Variants in DAAM2 observed in about 807,000 individuals in gnomAD.
The protein encoded by DAAM2 is disheveled-associated activator of morphogenesis 2.
Under a neutral mutation model 120.7 loss-of-function variants are expected in DAAM2, and 39 were observed. That is an observed-to-expected ratio of 0.32 (90% confidence interval 0.25 to 0.42). The LOEUF (loss-of-function observed/expected upper bound fraction) is 0.42, where lower values mean the gene tolerates loss of function less well. Among genes scored for constraint, DAAM2 ranks in the 10% least tolerant of loss-of-function variants. The probability of loss-of-function intolerance (pLI) is 1.00; values close to 1 mark genes in which losing one functional copy is unlikely to be tolerated. For missense variants in DAAM2, 1,283 were observed against 1,401.7 expected, an observed-to-expected ratio of 0.92 and a Z score of 1.35; for synonymous variants, 488 against 524.9, an observed-to-expected ratio of 0.93 and a Z score of 0.96.
chr6:39,838,223 G>A (rs1418982244), intron 1 of DAAM2, among the ~76,000 whole-genome samples: 2 of 152,218 alleles, frequency 1.3e-5, no homozygotes. Context: ...AGAGATCACA[G>A]TAATAATGAC....
intron 15 of DAAM2, chr6:39,887,095 G>C (rs1765421624): frequency 5.9e-6 from 1 of 170,374 alleles, no homozygotes; most frequent in Non-Finnish European, 1.2e-5. Context: ...TGGGCAGTGG[G>C]AATGGGAGTT....
chr6:39,828,562 C>G lies in DAAM2; in HGVS notation c.-56-27685C>G, dbSNP rs574528359. On this transcript the variant is annotated intron_variant, in intron 1 of 24. Coordinates refer to ENST00000274867, the MANE Select transcript of DAAM2 (RefSeq NM_001201427.2). ...GGGCCTAAGCTAATTCCCTCCACCC[C>G]CCTCCGTCTTTTTTTTTTTGAGACG... Among the ~76,000 whole-genome samples, 56 of 120,058 alleles carry G rather than the reference C, an allele frequency of 4.7e-4. 1 individual carries two copies. The highest frequency in any genetic ancestry group is 2.8e-4 in the East Asian group (1 of 3,636). 78.8% of individuals were successfully genotyped at this position (120,058 alleles called of 152,430 possible).
intron 14 of DAAM2, 31 bp from the exon 15 acceptor site, chr6:39,883,931 C>T (rs760323655): frequency 6.7e-7 from 1 of 1,501,044 alleles, no homozygotes; most frequent in East Asian, 2.3e-5. Context: ...TTGGGCCAAC[C>T]ATGGGATCTT....
intron 1 of DAAM2, among the ~76,000 whole-genome samples, chr6:39,844,489 G>C (rs376846271): frequency 1.3e-5 from 2 of 151,954 alleles, no homozygotes; most frequent in Admixed American, 1.3e-4. Flanking sequence ...TGAACCTCAG[G>C]GTCCTCATCG....
At chr6:39,823,574 C>T (rs80214607) in intron 1 of DAAM2, among the ~76,000 whole-genome samples, 2,766 of 152,212 alleles carry the variant, frequency 0.018, 60 homozygotes, top group African/African-American at 0.054. Context: ...AAGTGTGGGG[C>T]CTCCCTGGAA....
chr6:39,808,887 T>G (rs1315247272), intron 1 of DAAM2, among the ~76,000 whole-genome samples: 1 of 152,220 alleles, frequency 6.6e-6, no homozygotes, highest in African/African-American at 2.4e-5. Context: ...TAATTCACCT[T>G]AATTAAAAGA....
At chr6:39,891,787 A>T (rs972806492) in intron 19 of DAAM2, 65 bp downstream of exon 19, 1 of 1,355,928 alleles carries the variant, frequency 7.4e-7, no homozygotes, top group East Asian at 2.5e-5. Flanking sequence ...GGTGGGTGGG[A>T]GCCAGTGAAT....
chr6:39,846,719 C>CG (rs1763608070), intron 1 of DAAM2, among the ~76,000 whole-genome samples: 1 of 147,448 alleles, frequency 6.8e-6, no homozygotes, highest in African/African-American at 2.5e-5. Flanking sequence ...TTTTTTGAGA[C>CG]GGGGTCTCGC....
At chr6:39,814,028 G>A (rs1448642488) in intron 1 of DAAM2, among the ~76,000 whole-genome samples, 1 of 152,182 alleles carries the variant, frequency 6.6e-6, no homozygotes, top group African/African-American at 2.4e-5. Context: ...CTGTGGGATG[G>A]AGGATCTTTT....
chr6:39,896,744 TG>T (rs2149371515), intron 19 of DAAM2, 67 bp from the exon 20 acceptor site: 2 of 1,386,678 alleles, frequency 1.4e-6, no homozygotes, highest in Admixed American at 3.0e-5. Context: ...GGCATCTTCC[TG>T]GGGTGCAATG....
intron 22 of DAAM2, chr6:39,899,150 T>C: frequency 1.8e-6 from 1 of 563,436 alleles, no homozygotes; most frequent in Non-Finnish European, 3.1e-6. Flanking sequence ...ACTGTCCAAC[T>C]TGGTATCTAT....
At position 39,896,841 on chromosome 6, in the gene DAAM2, C is replaced by A; in HGVS notation, c.2371C>A (p.Arg791Ser). Residue 791 changes from arginine (R) to serine (S), a missense_variant, in exon 20 of 25, where the codon CGC becomes AGC. Coordinates refer to ENST00000274867, the MANE Select transcript of DAAM2 (RefSeq NM_001201427.2). ...AILLASRELV[R>S]SKRLRQMLEV... ...CCTGTTGGCCTCCCGGGAGCTGGTC[C>A]GCAGCAAGCGTCTTAGACAGATGCT... 6.2e-7 allele frequency: 1 copy of A among 1,607,662 alleles called. No homozygotes were observed. Among genetic ancestry groups the A allele is most frequent in the East Asian group, 2.2e-5 (1 of 44,696 alleles).
intron 10 of DAAM2, 33 bp from the exon 11 acceptor site, chr6:39,875,297 C>T: frequency 1.2e-6 from 2 of 1,605,264 alleles, no homozygotes; most frequent in Non-Finnish European, 1.7e-6. Flanking sequence ...GACTTCAGGA[C>T]TCAGGAAAGA....
Position 39,878,210 on chromosome 6 carries a change from A to G in DAAM2, c.1309A>G (p.Asn437Asp). The change falls in exon 12 of 25, where the codon AAC becomes GAC. Residue 437 changes from asparagine (N) to aspartate (D), a missense_variant. Coordinates refer to ENST00000274867, the MANE Select transcript of DAAM2 (RefSeq NM_001201427.2). The surrounding 1 kb of genome is among the most constrained non-coding windows in gnomAD (Gnocchi z 5.0). ...CCCTCTATGCCCTGCCAGGCTCATCAACGAGAATGAAGTGAAACAGTGGCG... is the reference window on the plus strand; with the variant it reads ...CCCTCTATGCCCTGCCAGGCTCATCGACGAGAATGAAGTGAAACAGTGGCG... ...NVKNIVNMLI[N>D]ENEVKQWRDQ... is the part of the protein sequence containing the mutation. 1 of 1,613,976 alleles carries G rather than the reference A, an allele frequency of 6.2e-7. No homozygotes were observed. Among genetic ancestry groups the G allele is most frequent in the Non-Finnish European group, 8.5e-7 (1 of 1,179,878 alleles).
chr6:39,863,050 C>T (rs569659699), intron 3 of DAAM2, among the ~76,000 whole-genome samples: 3 of 152,070 alleles, frequency 2.0e-5, no homozygotes, highest in Non-Finnish European at 4.4e-5. Context: ...TGGATCACCC[C>T]CCAAGGTCTG....
In DAAM2 at chr6:39,884,078, C is replaced by CTATA; in HGVS notation, c.1953+10_1953+13dup. On this transcript the variant is annotated intron_variant, in intron 15 of 24. Coordinates refer to ENST00000274867, the MANE Select transcript of DAAM2 (RefSeq NM_001201427.2). ...CCTACCAGAGGCACCAGGTAAGACC[C>CTATA]TATACCCTCTGGCCTCTTGGACCAT... 3 of 1,479,576 alleles carry CTATA rather than the reference C, an allele frequency of 2.0e-6. No individual in the cohort carries two copies. The highest frequency in any genetic ancestry group is 2.8e-6 in the Non-Finnish European group (3 of 1,063,194). The allele number at this position is 1,479,576 out of a possible 1,614,324, so 91.7% of individuals were successfully genotyped here. A position where few individuals can be genotyped will look rare whatever the true frequency, so the allele number is the denominator to read the frequency against.
intron 9 of DAAM2, 53 bp from the exon 10 acceptor site, chr6:39,873,185 G>C (rs947314526): frequency 8.3e-7 from 1 of 1,209,212 alleles, no homozygotes; most frequent in African/African-American, 1.5e-5. Context: ...TCTCTCTCCT[G>C]CTGACTTCCT....
At chr6:39,898,794 TC>T in intron 21 of DAAM2, 82 bp from the exon 22 acceptor site, 9 of 1,218,960 alleles carry the variant, frequency 7.4e-6, no homozygotes, top group Middle Eastern at 1.9e-4. Flanking sequence ...TGTGCTTGGC[TC>T]TGCCCTCTCC....
chr6:39,804,565 C>T (rs1052523587), intron 1 of DAAM2, among the ~76,000 whole-genome samples: 21 of 151,218 alleles, frequency 1.4e-4, no homozygotes, highest in Non-Finnish European at 2.5e-4. Context: ...TGCATGCATG[C>T]GCACATACAC....
Sources: allele counts gnomAD v4.1 joint callset (sites outside exome capture counted in the v4.1 genomes callset), GRCh38; gene constraint gnomAD v4.1.1; non-coding constraint Gnocchi (gnomAD v3.1); transcripts MANE v1.5; gene names NCBI Gene and HGNC (gene_info 2026-07-23, HGNC 2026-07-21).